TSBP1: variants seen among roughly 807,000 people sequenced by gnomAD.
The protein encoded by TSBP1 is testis-expressed basic protein 1.
Under a neutral mutation model 68.8 loss-of-function variants are expected in TSBP1, and 56 were observed. The observed-to-expected ratio is 0.81, with a 90% confidence interval of 0.66 to 1.02. The LOEUF is 1.02. Among genes scored for constraint, TSBP1 ranks in the 50% least tolerant of loss-of-function variants. The pLI, the probability that TSBP1 is intolerant of heterozygous loss-of-function variation, is 0.00. For missense variants in TSBP1, 502 were observed against 641.2 expected (o/e 0.78, Z 2.34); for synonymous variants, 171 against 208.7 (o/e 0.82, Z 1.56).
intron 17 of TSBP1, 22 bp from the exon 19 acceptor site, chr6:32,323,159 G>A: frequency 2.0e-6 from 3 of 1,505,408 alleles, no homozygotes; most frequent in Non-Finnish European, 2.8e-6. Flanking sequence ...AGTAGATATT[G>A]GTGAAGATTT....
intron 19 of TSBP1, among the ~76,000 whole-genome samples, chr6:32,312,233 C>T (rs1766479480): frequency 6.6e-6 from 1 of 152,104 alleles, no homozygotes; most frequent in Non-Finnish European, 1.5e-5. Flanking sequence ...CTCAGGTTCT[C>T]AGAGAAAAGA....
rs1773071914 is a variant in TSBP1 at position 32,361,972 on chromosome 6, G to C, written c.217+4195C>G. ...CCACTAATGGATTAATGAGTTGTCA[G>C]GCAAGTGGAACTGGTGGCTTCATAA... On this transcript the variant is annotated intron_variant, in intron 6 of 22. Transcript: ENST00000612031. The surrounding 1 kb of genome is among the most constrained non-coding windows in gnomAD (Gnocchi z 4.3). 6.6e-6 allele frequency among the ~76,000 whole-genome samples: 1 copy of C among 152,026 alleles called. No individual in the cohort carries two copies. The highest frequency in any genetic ancestry group is 2.4e-5 in the African/African-American group (1 of 41,390).
At chr6:32,299,444 A>G (rs1317668277) in intron 22 of TSBP1, among the ~76,000 whole-genome samples, 2 of 152,214 alleles carry the variant, frequency 1.3e-5, no homozygotes, top group African/African-American at 4.8e-5. Context: ...TATAACTAAA[A>G]AAAAGTTCTA....
In TSBP1 at chr6:32,335,915, T is replaced by C. The variant is rs1265754; in HGVS notation, c.448A>G (p.Ile150Val). The change falls in exon 13 of 23, where the codon ATC becomes GTC. Residue 150 changes from isoleucine to valine, a missense_variant. Physicochemically the swap from Ile to Val is conservative, Grantham distance 29 (BLOSUM62 3). Coordinates refer to ENST00000612031, the Ensembl canonical transcript of TSBP1. The surrounding 1 kb of genome is among the most constrained non-coding windows in gnomAD (Gnocchi z 5.5). ...GAGAATCAGAGAGCAAACTTACTGA[T>C]AGGTCCTGTAGCTCCGGCTGTGAGA... 1.2e-6 allele frequency: 2 copies of C among 1,608,490 alleles called. No individual in the cohort carries two copies. Among genetic ancestry groups the C allele is most frequent in the Non-Finnish European group, 1.7e-6 (2 of 1,176,702 alleles).
chr6:32,298,322 G>A (rs1438437006), intron 22 of TSBP1, among the ~76,000 whole-genome samples: 1 of 152,252 alleles, frequency 6.6e-6, no homozygotes, highest in African/African-American at 2.4e-5. Context: ...GCTCACGCCT[G>A]TAATCCCAGC....
exon 7 of TSBP1, chr6:32,355,662 G>T: frequency 6.3e-7 from 1 of 1,586,390 alleles, no homozygotes; most frequent in Non-Finnish European, 8.6e-7. Context: ...AATCTCTTTT[G>T]GATCTCTCTG....
Position 32,343,086 on chromosome 6 carries a change from T to C in TSBP1, c.350-3448A>G, listed in dbSNP as rs2849018. Among the ~76,000 whole-genome samples the C allele has an allele frequency of 0.064, 9,686 of 152,190 alleles. 461 individuals are homozygous for C. Among genetic ancestry groups the C allele is most frequent in the Non-Finnish European group, 0.11 (7,244 of 67,998 alleles). On this transcript the variant is annotated intron_variant, in intron 9 of 22. Coordinates refer to ENST00000612031, the Ensembl canonical transcript of TSBP1. The surrounding 1 kb of genome is among the most constrained non-coding windows in gnomAD (Gnocchi z 4.3). ...AAAGGTGGGCATGATCCAGTTAAGATGGCTAATGAAGGACAAGGTGGAGAA... is the reference window on the plus strand; with the variant it reads ...AAAGGTGGGCATGATCCAGTTAAGACGGCTAATGAAGGACAAGGTGGAGAA...
At chr6:32,342,421 C>T (rs763940485) in intron 9 of TSBP1, among the ~76,000 whole-genome samples, 3 of 152,140 alleles carry the variant, frequency 2.0e-5, no homozygotes, top group Non-Finnish European at 1.5e-5. Context: ...CCTAAAGTGT[C>T]ATGATTACGG....
chr6:32,316,546 G>A lies in TSBP1; in HGVS notation c.560-754C>T, dbSNP rs562336293. 1 of 710,962 alleles carries A rather than the reference G, an allele frequency of 1.4e-6. No homozygotes were observed. The highest frequency in any genetic ancestry group is 2.7e-5 in the East Asian group (1 of 37,082). The allele number at this position is 710,962 out of a possible 1,614,324, so 44.0% of individuals were successfully genotyped here. A position where few individuals can be genotyped will look rare whatever the true frequency, so the allele number is the denominator to read the frequency against. ...GACAATGGCTAATTCTCTGTTAAAAGCTCCAATTCTTTATGACTGCATTCT... is the reference window on the plus strand; with the variant it reads ...GACAATGGCTAATTCTCTGTTAAAAACTCCAATTCTTTATGACTGCATTCT... On this transcript the variant is annotated intron_variant, in intron 18 of 22. Transcript: ENST00000612031. This position sits in a 1 kb window ranked among gnomAD's most constrained non-coding sequence, Gnocchi z 4.5.
In TSBP1 at chr6:32,357,003, ATAT is replaced by A. The variant is rs1477494909; in HGVS notation, c.218-1337_218-1335del. On this transcript the variant is annotated intron_variant, in intron 6 of 22. Coordinates refer to ENST00000612031, the Ensembl canonical transcript of TSBP1. This position sits in a 1 kb window ranked among gnomAD's most constrained non-coding sequence, Gnocchi z 4.7. The stretch of plus-strand genomic sequence containing the variant: ...TAAACTAACATAATGACCTTACCTA[ATAT>A]TAATATCTTCCTGCCAGAAGATTTC... Among the ~76,000 whole-genome samples the A allele has an allele frequency of 6.6e-6, 1 of 152,172 alleles. No individual in the cohort carries two copies. The highest frequency in any genetic ancestry group is 1.5e-5 in the Non-Finnish European group (1 of 68,034).
intron 9 of TSBP1, among the ~76,000 whole-genome samples, chr6:32,344,894 T>C (rs1020563570): frequency 1.3e-5 from 2 of 152,130 alleles, no homozygotes. Context: ...GGTTTCACTC[T>C]GTTGCCCAGG....
At chr6:32,347,961 C>A (rs1168919243) in intron 9 of TSBP1, among the ~76,000 whole-genome samples, 1 of 152,182 alleles carries the variant, frequency 6.6e-6, no homozygotes, top group Non-Finnish European at 1.5e-5. Context: ...ACTTCTTGGT[C>A]TTGCTCTATC....
chr6:32,369,840 C>G, intron 2 of TSBP1, 57 bp downstream of exon 2: 1 of 1,038,524 alleles, frequency 9.6e-7, no homozygotes, highest in Non-Finnish European at 1.5e-6. Context: ...TGAATCTTGG[C>G]ATCCCTCCCT....
Position 32,358,205 on chromosome 6 carries a change from G to A in TSBP1, c.218-2536C>T, listed in dbSNP as rs958205788. ...GTGTGTAGTTTTATTTTGCTTATCC[G>A]TGTACCCTTAAATTCCTAACACTGA... is the stretch of plus-strand genomic sequence containing the variant. On this transcript the variant is annotated intron_variant, in intron 6 of 22. Coordinates refer to ENST00000612031, the Ensembl canonical transcript of TSBP1. Among the ~76,000 whole-genome samples, 149 of 152,012 alleles carry A rather than the reference G, an allele frequency of 9.8e-4. 1 individual carries two copies. The highest frequency in any genetic ancestry group is 3.3e-3 in the African/African-American group (137 of 41,392).
At chr6:32,369,379 T>TTTTTTTTTTTTTTTTTTC (rs1352368388) in intron 2 of TSBP1, among the ~76,000 whole-genome samples, 1 of 149,114 alleles carries the variant, frequency 6.7e-6, no homozygotes, top group South Asian at 2.2e-4. Flanking sequence ...TGTGATTTTT[T>TTTTTTTTTTTTTTTTTTC]TTTTTTTTTG....
chr6:32,330,581 G>GT lies in TSBP1; in HGVS notation c.514+7dup. ...ACCTGGAGGGAGAAGGATAGATAAG[G>GT]TACTTACCATTGGATCCAGGATATT... On this transcript the variant is annotated splice_region_variant and intron_variant, in intron 16 of 22. Transcript: ENST00000612031. 1 of 1,599,990 alleles carries GT rather than the reference G, an allele frequency of 6.3e-7. No individual in the cohort carries two copies. The highest frequency in any genetic ancestry group is 8.5e-7 in the Non-Finnish European group (1 of 1,172,382).
intron 14 of TSBP1, among the ~76,000 whole-genome samples, chr6:32,334,619 C>T (rs993077176): frequency 1.3e-5 from 2 of 151,806 alleles, no homozygotes; most frequent in African/African-American, 4.9e-5. Context: ...GTAATGTACG[C>T]GAGGGTTAAA....
At chr6:32,308,956 G>C (rs532534731) in intron 19 of TSBP1, among the ~76,000 whole-genome samples, 5,932 of 89,128 alleles carry the variant, frequency 0.067, 218 homozygotes, top group South Asian at 0.2. Flanking sequence ...TTTTCTTCCT[G>C]CTTTTTTTTT....
chr6:32,353,019 G>A (rs1196326759), intron 8 of TSBP1: 1 of 151,820 alleles, frequency 6.6e-6, no homozygotes, highest in African/African-American at 2.4e-5. Flanking sequence ...TCTGGAAATT[G>A]ATTAAGAGTT....
Sources: gnomAD v4.1 joint callset for allele counts (sites outside exome capture counted in the v4.1 genomes callset) on GRCh38, gnomAD v4.1.1 for gene constraint, Gnocchi (gnomAD v3.1) non-coding constraint, MANE v1.5 for transcripts, NCBI Gene and HGNC (gene_info 2026-07-23, HGNC 2026-07-21) for gene names.